FBXO16: variants seen among roughly 807,000 people sequenced by gnomAD.
FBXO16 encodes the protein F-box protein 16, also known as F-box only protein 16.
A neutral mutation model predicts 41.0 loss-of-function variants in FBXO16; 31 were observed. The ratio of observed to expected loss-of-function variants is 0.76; its 90% CI spans 0.57 to 1.02. The LOEUF (loss-of-function observed/expected upper bound fraction) is 1.02, where lower values mean the gene tolerates loss of function less well. Ranked by LOEUF, FBXO16 falls within the 50% of genes least tolerant of loss-of-function variation. The probability of loss-of-function intolerance (pLI) is 0.00; values close to 1 mark genes in which losing one functional copy is unlikely to be tolerated. For missense variants in FBXO16, 361 were observed against 346.2 expected (o/e 1.04, Z -0.34); for synonymous variants, 133 against 117.8 (o/e 1.13, Z -0.84).
At chr8:28,474,343 A>G (rs1585917375) in intron 2 of FBXO16, among the ~76,000 whole-genome samples, 1 of 131,678 alleles carries the variant, frequency 7.6e-6, no homozygotes, top group Non-Finnish European at 1.6e-5. Context: ...AAAAAAAAAA[A>G]AAAAAAAAAA....
intron 7 of FBXO16, among the ~76,000 whole-genome samples, chr8:28,442,230 G>C (rs569363982): frequency 6.6e-6 from 1 of 152,014 alleles, no homozygotes; most frequent in South Asian, 2.1e-4. Flanking sequence ...GAGCCACTGT[G>C]CCCGGCCGGA....
chr8:28,462,640 C>T (rs1803155266), intron 4 of FBXO16, among the ~76,000 whole-genome samples: 1 of 152,230 alleles, frequency 6.6e-6, no homozygotes, highest in Admixed American at 6.5e-5. Context: ...TGAATGCACA[C>T]TGGCAGGTAA....
At chr8:28,456,724 A>G in intron 5 of FBXO16, 42 bp downstream of exon 5, 1 of 1,604,706 alleles carries the variant, frequency 6.2e-7, no homozygotes, top group Non-Finnish European at 8.5e-7. Context: ...ATTTGCAAAG[A>G]GCCAATGTTT....
chr8:28,447,770 A>G (rs1230721764), intron 6 of FBXO16, among the ~76,000 whole-genome samples: 1 of 152,200 alleles, frequency 6.6e-6, no homozygotes, highest in Non-Finnish European at 1.5e-5. Context: ...CCTGGCCAAC[A>G]TGGTGAAACC....
intron 7 of FBXO16, among the ~76,000 whole-genome samples, chr8:28,430,798 C>T (rs1246511989): frequency 1.3e-5 from 2 of 152,058 alleles, no homozygotes; most frequent in Non-Finnish European, 2.9e-5. Flanking sequence ...TGGTGAAACC[C>T]TGTCTCTACT....
intron 7 of FBXO16, among the ~76,000 whole-genome samples, chr8:28,446,432 C>G (rs1802865220): frequency 6.6e-6 from 1 of 151,360 alleles, no homozygotes; most frequent in Non-Finnish European, 1.5e-5. Context: ...CTCAGCCTCC[C>G]AAAGTACTGG....
At chr8:28,460,225 GTATA>G (rs771679568) in intron 4 of FBXO16, among the ~76,000 whole-genome samples, 8 of 75,226 alleles carry the variant, frequency 1.1e-4, no homozygotes, top group Admixed American at 6.6e-4. Context: ...ATATGTGTGT[GTATA>G]TATATATATA....
intron 7 of FBXO16, among the ~76,000 whole-genome samples, chr8:28,441,760 A>G (rs202057808): frequency 0.19 from 27,409 of 145,552 alleles, 2,956 homozygotes; most frequent in South Asian, 0.3. Flanking sequence ...AACTAAAAAA[A>G]AAATATTGTA....
intron 4 of FBXO16, among the ~76,000 whole-genome samples, chr8:28,458,509 T>TCAATTCTCA (rs1185472467): frequency 6.6e-6 from 1 of 151,118 alleles, no homozygotes; most frequent in Non-Finnish European, 1.5e-5. Context: ...GAAAAGTCTC[T>TCAATTCTCA]CAATTCTCAT....
At chr8:28,446,060 T>C (rs1378413592) in intron 7 of FBXO16, among the ~76,000 whole-genome samples, 2 of 152,108 alleles carry the variant, frequency 1.3e-5, no homozygotes, top group South Asian at 2.1e-4. Flanking sequence ...TAGGCAATGA[T>C]AATGCTCCCT....
intron 4 of FBXO16, among the ~76,000 whole-genome samples, chr8:28,458,290 T>C (rs1443008045): frequency 6.6e-6 from 1 of 151,926 alleles, no homozygotes; most frequent in Non-Finnish European, 1.5e-5. Context: ...GAGGAAAGAG[T>C]AGGGCACAAT....
chr8:28,485,002 A>T (rs1803579899), intron 1 of FBXO16, among the ~76,000 whole-genome samples: 1 of 152,044 alleles, frequency 6.6e-6, no homozygotes, highest in South Asian at 2.1e-4. Context: ...CAGCTCCCCT[A>T]GTAGCTGATT....
intron 2 of FBXO16, among the ~76,000 whole-genome samples, chr8:28,478,521 C>T (rs915697672): frequency 1.3e-5 from 2 of 152,142 alleles, no homozygotes; most frequent in Non-Finnish European, 2.9e-5. Context: ...CCCACCAAAT[C>T]TCATATCAAA....
At chr8:28,466,022 G>A (rs927280985) in intron 3 of FBXO16, among the ~76,000 whole-genome samples, 2 of 152,046 alleles carry the variant, frequency 1.3e-5, no homozygotes, top group South Asian at 2.1e-4. Flanking sequence ...GGTGGATTAC[G>A]TGAGGTCAGG....
At chr8:28,439,517 C>T (rs1301107383) in intron 7 of FBXO16, among the ~76,000 whole-genome samples, 7 of 152,228 alleles carry the variant, frequency 4.6e-5, no homozygotes, top group African/African-American at 1.4e-4. Context: ...GCAGGAGGAT[C>T]GCTTGAGGCC....
In FBXO16 at chr8:28,463,735, G is replaced by A. The variant is rs779311137; in HGVS notation, c.219C>T (p.Cys73=). ...ERCSLSQQKF[C]CRKLQEKIPA... ...GAATTTTCTCTTGAAGCTTTCGACA[G>A]CAGAACTTTTGCTGGGACAGCGAGC... is the stretch of plus-strand genomic sequence containing the variant. Residue 73 remains cysteine (C), a synonymous_variant, in exon 4 of 9, where the codon TGC becomes TGT. Transcript: ENST00000380254. 6.2e-7 allele frequency: 1 copy of A among 1,614,196 alleles called. No individual in the cohort carries two copies. The highest frequency in any genetic ancestry group is 1.1e-5 in the South Asian group (1 of 91,086).
chr8:28,489,136 A>G lies in FBXO16; in HGVS notation c.-17+1050T>C, dbSNP rs528089446. On this transcript the variant is annotated intron_variant, in intron 1 of 8. Coordinates refer to ENST00000380254, the MANE Select transcript of FBXO16 (RefSeq NM_172366.4). ...CACCTGAGCTCAGGAGTTCAAGACCAGCCTGGGCAACACAGTGAAACCTCG... is the reference window on the plus strand; with the variant it reads ...CACCTGAGCTCAGGAGTTCAAGACCGGCCTGGGCAACACAGTGAAACCTCG... Among the ~76,000 whole-genome samples the G allele has an allele frequency of 1.2e-4, 18 of 152,264 alleles. No homozygotes were observed. The South Asian group carries it at 2.5e-3, about 21-fold the overall frequency.
chr8:28,458,726 A>G (rs1803078509), intron 4 of FBXO16, among the ~76,000 whole-genome samples: 1 of 151,720 alleles, frequency 6.6e-6, no homozygotes, highest in Non-Finnish European at 1.5e-5. Context: ...CTAATTCTGT[A>G]TTTTTAGTAG....
intron 4 of FBXO16, among the ~76,000 whole-genome samples, chr8:28,463,073 A>G (rs17059123): frequency 0.066 from 10,095 of 152,268 alleles, 1,101 homozygotes; most frequent in African/African-American, 0.23. Flanking sequence ...GTTGGACACA[A>G]AGATGGTGGA....
Sources: gnomAD v4.1 joint callset for allele counts (sites outside exome capture counted in the v4.1 genomes callset) on GRCh38, gnomAD v4.1.1 for gene constraint, MANE v1.5 for transcripts, NCBI Gene and HGNC (gene_info 2026-07-23, HGNC 2026-07-21) for gene names.